Variants in LNX2 observed in about 807,000 individuals in gnomAD.
The protein encoded by LNX2 is ligand of Numb protein X 2.
Under a neutral mutation model 66.2 loss-of-function variants are expected in LNX2, and 35 were observed. The ratio of observed to expected loss-of-function variants is 0.53; its 90% CI spans 0.40 to 0.70. LNX2 has a LOEUF of 0.70. Among genes scored for constraint, LNX2 ranks in the 30% least tolerant of loss-of-function variants. The pLI is 0.00. For synonymous variants in LNX2, 337 were observed against 315.6 expected, an observed-to-expected ratio of 1.07 and a Z score of -0.72; for missense variants, 791 against 850.8, an observed-to-expected ratio of 0.93 and a Z score of 0.87.
chr13:27,584,625 G>C (rs1955462686), intron 1 of LNX2, among the ~76,000 whole-genome samples: 1 of 152,020 alleles, frequency 6.6e-6, no homozygotes, highest in East Asian at 1.9e-4. Flanking sequence ...CTTTGAGGCT[G>C]TAGTGAGGCA....
At chr13:27,593,732 T>C in intron 1 of LNX2, among the ~76,000 whole-genome samples, 1 of 143,262 alleles carries the variant, frequency 7.0e-6, no homozygotes, top group East Asian at 2.0e-4. Context: ...CACGCCTGGT[T>C]TTTGTGTGTG....
intron 3 of LNX2, 42 bp from the exon 4 acceptor site, chr13:27,567,881 A>G (rs780663637): frequency 6.6e-7 from 1 of 1,516,880 alleles, no homozygotes; most frequent in African/African-American, 1.4e-5. Context: ...AGATGTTAAA[A>G]AAATAAACAA....
chr13:27,619,053 G>A (rs925819213), intron 1 of LNX2, among the ~76,000 whole-genome samples: 4 of 152,150 alleles, frequency 2.6e-5, no homozygotes, highest in Non-Finnish European at 5.9e-5. Flanking sequence ...CTTTATCAGT[G>A]GCTAAATGAA....
At chr13:27,620,185 G>A (rs1429097073) in intron 1 of LNX2, among the ~76,000 whole-genome samples, 190 bp downstream of exon 1, 4 of 151,676 alleles carry the variant, frequency 2.6e-5, no homozygotes, top group Non-Finnish European at 2.9e-5. Flanking sequence ...CCGAGTCCAC[G>A]CCAGCCCCGC....
intron 1 of LNX2, among the ~76,000 whole-genome samples, chr13:27,615,179 T>C (rs1174687737): frequency 1.3e-5 from 2 of 152,238 alleles, no homozygotes; most frequent in Non-Finnish European, 2.9e-5. Flanking sequence ...AAATTCTAAC[T>C]GACTGGCCTC....
In LNX2 at chr13:27,550,240, T is replaced by TGG. The variant is rs544009702; in HGVS notation, c.1937+91_1937+92dup. 4.4e-4 allele frequency: 478 copies of TGG among 1,097,568 alleles called. 3 individuals carry two copies. The African/African-American group carries it at 5.3e-3, about 12-fold the overall frequency. The allele number at this position is 1,097,568 out of a possible 1,614,324, so 68.0% of individuals were successfully genotyped here. ...TGAAACTTTATTTTCAAAAAGATAA[T>TGG]GGGCTGGATTTAGTGCTGACCCCTG... On this transcript the variant is annotated intron_variant, in intron 9 of 9. Coordinates refer to ENST00000316334, the MANE Select transcript of LNX2 (RefSeq NM_153371.4).
intron 2 of LNX2, among the ~76,000 whole-genome samples, chr13:27,580,901 T>C (rs1955390241): frequency 6.6e-6 from 1 of 152,158 alleles, no homozygotes; most frequent in Admixed American, 6.5e-5. Flanking sequence ...TACATACAAT[T>C]TTTCCTGCTT....
chr13:27,570,921 C>T (rs1042768739), intron 2 of LNX2, among the ~76,000 whole-genome samples: 6 of 152,134 alleles, frequency 3.9e-5, no homozygotes, highest in Non-Finnish European at 8.8e-5. Context: ...ATATGTAAGG[C>T]CTATCTTATA....
At chr13:27,610,226 A>G (rs1011598343) in intron 1 of LNX2, among the ~76,000 whole-genome samples, 13 of 152,240 alleles carry the variant, frequency 8.5e-5, no homozygotes, top group Non-Finnish European at 7.3e-5. Context: ...TACCAATTTT[A>G]TATTTCAGCT....
chr13:27,564,183 C>T (rs900742866), intron 4 of LNX2, among the ~76,000 whole-genome samples: 8 of 152,190 alleles, frequency 5.3e-5, no homozygotes, highest in Non-Finnish European at 1.2e-4. Context: ...TGTAAACATG[C>T]AGCCTCATAA....
intron 1 of LNX2, among the ~76,000 whole-genome samples, chr13:27,597,349 T>C (rs552000044): frequency 1.2e-4 from 19 of 152,304 alleles, no homozygotes; most frequent in African/African-American, 4.3e-4. Context: ...GTAATTTCTA[T>C]TGCAATAATT....
At chr13:27,577,544 T>C (rs1454071748) in intron 2 of LNX2, among the ~76,000 whole-genome samples, 1 of 152,030 alleles carries the variant, frequency 6.6e-6, no homozygotes, top group Non-Finnish European at 1.5e-5. Context: ...TGATAGCTGA[T>C]AAGCTTAAAA....
intron 2 of LNX2, among the ~76,000 whole-genome samples, chr13:27,576,624 C>G (rs1308948432): frequency 2.6e-4 from 40 of 151,674 alleles, no homozygotes; most frequent in Admixed American, 2.6e-3. Context: ...TACTCGGATG[C>G]TGAGGCACAA....
Position 27,581,305 on chromosome 13 carries a change from G to T in LNX2, c.399C>A (p.Leu133=), listed in dbSNP as rs781110124. 1.4e-6 allele frequency: 2 copies of T among 1,471,830 alleles called. No homozygotes were observed. Among genetic ancestry groups the T allele is most frequent in the South Asian group, 1.5e-5 (1 of 65,854 alleles). The allele number at this position is 1,471,830 out of a possible 1,614,324, so 91.2% of individuals were successfully genotyped here. ...VMQRCDLEAH[L]KNRCPGASHR... is the part of the protein sequence containing the mutation. ...TTATATTTTTTGCTTACCTGTTTTT[G>T]AGATGTGCCTCCAGATCACAACGTT... The change falls in exon 2 of 10, where the codon CTC becomes CTA. Residue 133 remains leucine, a synonymous_variant. Coordinates refer to ENST00000316334, the MANE Select transcript of LNX2 (RefSeq NM_153371.4).
At position 27,581,524 on chromosome 13, in the gene LNX2, T is replaced by A. The variant is rs543940603; in HGVS notation, c.180A>T (p.Pro60=). 1 of 1,614,170 alleles carries A rather than the reference T, an allele frequency of 6.2e-7. No homozygotes were observed. Among genetic ancestry groups the A allele is most frequent in the Admixed American group, 1.7e-5 (1 of 60,026 alleles). ...CHICLQPLLQ[P]LDTPCGHTFC... is the part of the protein sequence containing the mutation. ...ATGTATGTCCACAGGGTGTGTCTAG[T>A]GGCTGCAGCAGAGGTTGAAGGCAAA... Residue 60 remains proline, a synonymous_variant, in exon 2 of 10, where the codon CCA becomes CCT. Coordinates refer to ENST00000316334, the MANE Select transcript of LNX2 (RefSeq NM_153371.4).
At chr13:27,583,442 G>C (rs1955446151) in intron 1 of LNX2, among the ~76,000 whole-genome samples, 1 of 152,012 alleles carries the variant, frequency 6.6e-6, no homozygotes, top group Admixed American at 6.6e-5. Context: ...AATTTTAGTA[G>C]ACACGGGGTT....
chr13:27,585,975 A>G (rs1280001558), intron 1 of LNX2, among the ~76,000 whole-genome samples: 1 of 136,656 alleles, frequency 7.3e-6, no homozygotes, highest in African/African-American at 2.8e-5. Context: ...AAGGGTCAAT[A>G]TAAAGAATAA....
chr13:27,548,898 T>C (rs111862922), intron 9 of LNX2, among the ~76,000 whole-genome samples: 1,624 of 152,368 alleles, frequency 0.011, 18 homozygotes, highest in Non-Finnish European at 0.019. Flanking sequence ...CTTTCAGCTG[T>C]TGACGCTCAC....
intron 4 of LNX2, among the ~76,000 whole-genome samples, chr13:27,567,287 C>A (rs958086461): frequency 2.0e-5 from 3 of 151,854 alleles, no homozygotes; most frequent in African/African-American, 7.3e-5. Context: ...TAAAATAATA[C>A]CAATGAGATG....
Sources: allele counts gnomAD v4.1 joint callset (sites outside exome capture counted in the v4.1 genomes callset), GRCh38; gene constraint gnomAD v4.1.1; transcripts MANE v1.5; gene names NCBI Gene and HGNC (gene_info 2026-07-23, HGNC 2026-07-21).